LOC128125817: variants seen among roughly 807,000 people sequenced by gnomAD.
chr1:41,596,384 G>C, the LOC128125817 span, among the ~76,000 whole-genome samples: 1 of 152,082 alleles, frequency 6.6e-6, no homozygotes, highest in Non-Finnish European at 1.5e-5. Flanking sequence ...AGAGTCCATA[G>C]ATAGCCTGTG....
chr1:41,607,613 A>C, the LOC128125817 span, among the ~76,000 whole-genome samples: 1 of 145,006 alleles, frequency 6.9e-6, no homozygotes, highest in African/African-American at 2.6e-5. Flanking sequence ...TCTTTTTTCC[A>C]TTTTAGGCCT....
At chr1:41,593,832 A>G in the LOC128125817 span, among the ~76,000 whole-genome samples, 2 of 152,332 alleles carry the variant, frequency 1.3e-5, no homozygotes, top group South Asian at 4.1e-4. Flanking sequence ...CACTCGGCTA[A>G]AAGCAAGGTG....
chr1:41,616,800 C>T, the LOC128125817 span, among the ~76,000 whole-genome samples: 1 of 152,116 alleles, frequency 6.6e-6, no homozygotes, highest in Non-Finnish European at 1.5e-5. Flanking sequence ...CATTCCTCAG[C>T]ACTCGGCCTT....
the LOC128125817 span, among the ~76,000 whole-genome samples, chr1:41,615,091 G>C: frequency 7.0e-4 from 107 of 152,300 alleles, 1 homozygote; most frequent in Non-Finnish European, 8.8e-5. Flanking sequence ...AGTTTTCTCA[G>C]AAATAATGCC....
At chr1:41,608,641 C>A in the LOC128125817 span, among the ~76,000 whole-genome samples, 22 of 152,346 alleles carry the variant, frequency 1.4e-4, no homozygotes, top group East Asian at 3.7e-3. Flanking sequence ...GAATCCTGGG[C>A]TGCAATGTTT....
At chr1:41,611,679 A>C in the LOC128125817 span, among the ~76,000 whole-genome samples, 3 of 152,230 alleles carry the variant, frequency 2.0e-5, no homozygotes, top group Non-Finnish European at 4.4e-5. Context: ...GAAGCAAGGG[A>C]AAACTCGAAT....
chr1:41,588,372 G>A, the LOC128125817 span, among the ~76,000 whole-genome samples: 4 of 152,318 alleles, frequency 2.6e-5, no homozygotes, highest in Admixed American at 2.6e-4. Flanking sequence ...TGACTGGGTG[G>A]TGAAATGATC....
chr1:41,627,114 A>G, the LOC128125817 span, among the ~76,000 whole-genome samples: 1 of 152,208 alleles, frequency 6.6e-6, no homozygotes, highest in Admixed American at 6.5e-5. Flanking sequence ...GCCAGAGGGC[A>G]GGGCATGCAG....
At chr1:41,602,970 C>T in the LOC128125817 span, among the ~76,000 whole-genome samples, 4 of 152,132 alleles carry the variant, frequency 2.6e-5, no homozygotes, top group African/African-American at 7.2e-5. Flanking sequence ...TCTTCTTTGA[C>T]CCAATGGTTG....
the LOC128125817 span, among the ~76,000 whole-genome samples, chr1:41,624,792 T>G: frequency 6.6e-6 from 1 of 152,198 alleles, no homozygotes; most frequent in African/African-American, 2.4e-5. Flanking sequence ...CCAGATAATG[T>G]TGAACTGAAG....
the LOC128125817 span, among the ~76,000 whole-genome samples, chr1:41,627,005 G>C: frequency 6.6e-6 from 1 of 152,198 alleles, no homozygotes; most frequent in Non-Finnish European, 1.5e-5. Context: ...GACTCACTGA[G>C]GTTTGGGAAG....
chr1:41,592,537 C>G, the LOC128125817 span, among the ~76,000 whole-genome samples: 7,602 of 152,228 alleles, frequency 0.05, 259 homozygotes, highest in African/African-American at 0.096. Flanking sequence ...TCAAAGTGAG[C>G]ATCCATCTAG....
At chr1:41,590,269 G>T in the LOC128125817 span, among the ~76,000 whole-genome samples, 1 of 152,252 alleles carries the variant, frequency 6.6e-6, no homozygotes, top group African/African-American at 2.4e-5. Context: ...TGGGAACAGG[G>T]ATTGTGGCAG....
the LOC128125817 span, among the ~76,000 whole-genome samples, chr1:41,608,808 A>G: frequency 6.6e-6 from 1 of 152,002 alleles, no homozygotes; most frequent in African/African-American, 2.4e-5. Flanking sequence ...ACGGTGGCTC[A>G]CACCTGTAAT....
the LOC128125817 span, among the ~76,000 whole-genome samples, chr1:41,596,267 G>A: frequency 2.6e-5 from 4 of 152,228 alleles, no homozygotes; most frequent in Non-Finnish European, 5.9e-5. Flanking sequence ...GGTCCCCATG[G>A]GGTGGGCAAG....
the LOC128125817 span, among the ~76,000 whole-genome samples, chr1:41,614,043 C>T: frequency 6.6e-6 from 1 of 152,196 alleles, no homozygotes; most frequent in Non-Finnish European, 1.5e-5. Flanking sequence ...TGAGATCACG[C>T]AGGTTGGAGC....
chr1:41,608,754 T>A, the LOC128125817 span, among the ~76,000 whole-genome samples: 105 of 152,282 alleles, frequency 6.9e-4, 3 homozygotes, highest in South Asian at 0.018. Flanking sequence ...TGTTTTCTAA[T>A]GCTGTTATGA....
At chr1:41,591,445 C>T in the LOC128125817 span, among the ~76,000 whole-genome samples, 2 of 151,964 alleles carry the variant, frequency 1.3e-5, no homozygotes, top group Non-Finnish European at 2.9e-5. Context: ...CACAGGCAGG[C>T]GATCAGGTGG....
chr1:41,585,812 G>C, the LOC128125817 span, among the ~76,000 whole-genome samples: 2 of 152,158 alleles, frequency 1.3e-5, no homozygotes, highest in Non-Finnish European at 2.9e-5. Context: ...ACTCTGGATG[G>C]GGCCATGGCT....
Sources: gnomAD v4.1 joint callset for allele counts (sites outside exome capture counted in the v4.1 genomes callset) on GRCh38, gnomAD v4.1.1 for gene constraint, MANE v1.5 for transcripts.